STAU2: variants seen among roughly 807,000 people sequenced by gnomAD.
STAU2 encodes double-stranded RNA-binding protein Staufen homolog 2.
In STAU2, 20 loss-of-function variants were observed where a neutral mutation model predicts 65.9. The observed-to-expected ratio is 0.30, with a 90% CI of 0.21 to 0.44. The LOEUF (loss-of-function observed/expected upper bound fraction) is 0.44. Ranked by LOEUF, STAU2 falls within the 20% of genes least tolerant of loss-of-function variation. STAU2 has a pLI of 1.00. For synonymous variants in STAU2, 232 were observed against 233.9 expected (o/e 0.99, Z 0.07); for missense variants, 558 against 683.9 (o/e 0.82, Z 2.05).
chr8:73,598,964 T>A (rs1309524906), intron 10 of STAU2, among the ~76,000 whole-genome samples: 3 of 152,302 alleles, frequency 2.0e-5, no homozygotes, highest in Non-Finnish European at 4.4e-5. Flanking sequence ...AAAGTCTTAT[T>A]GAGAAACTTT....
intron 10 of STAU2, among the ~76,000 whole-genome samples, chr8:73,596,667 A>G (rs1160557584): frequency 6.6e-6 from 1 of 151,918 alleles, no homozygotes. Flanking sequence ...TGGGCAATAT[A>G]GTGAGACCCC....
At chr8:73,607,289 G>A (rs1301911567) in intron 9 of STAU2, among the ~76,000 whole-genome samples, 35 of 152,140 alleles carry the variant, frequency 2.3e-4, no homozygotes, top group Non-Finnish European at 2.9e-5. Flanking sequence ...GGACGTGATG[G>A]AAGAAGAGCA....
At chr8:73,718,798 T>C (rs1053571883) in intron 3 of STAU2, among the ~76,000 whole-genome samples, 1 of 152,226 alleles carries the variant, frequency 6.6e-6, no homozygotes, top group African/African-American at 2.4e-5. Context: ...TTTTGATGCT[T>C]TTGAAAATGC....
intron 13 of STAU2, chr8:73,527,291 G>A (rs138945513): frequency 8.1e-5 from 13 of 160,022 alleles, no homozygotes; most frequent in Admixed American, 3.6e-4. Context: ...ATTAAGTGAC[G>A]CATCACTGTA....
chr8:73,596,988 A>G (rs1180517730), intron 10 of STAU2, among the ~76,000 whole-genome samples: 1 of 152,190 alleles, frequency 6.6e-6, no homozygotes, highest in African/African-American at 2.4e-5. Context: ...TGAAGGACAC[A>G]GCAAAAGGAG....
intron 3 of STAU2, among the ~76,000 whole-genome samples, chr8:73,734,800 T>C (rs58064868): frequency 6.6e-6 from 1 of 150,530 alleles, no homozygotes; most frequent in Non-Finnish European, 1.5e-5. Context: ...TCTCAAAAAA[T>C]AAAAAATAAA....
intron 13 of STAU2, among the ~76,000 whole-genome samples, chr8:73,516,371 AT>A (rs2128926365): frequency 6.6e-6 from 1 of 152,122 alleles, no homozygotes; most frequent in African/African-American, 2.4e-5. Context: ...TTAAAATTTA[AT>A]TTTCACATAT....
At chr8:73,606,219 T>C (rs1161526553) in intron 9 of STAU2, among the ~76,000 whole-genome samples, 2 of 151,390 alleles carry the variant, frequency 1.3e-5, no homozygotes, top group African/African-American at 2.4e-5. Flanking sequence ...AATAATAAAA[T>C]GAAACAATAT....
At chr8:73,676,978 T>C (rs985493532) in intron 5 of STAU2, among the ~76,000 whole-genome samples, 2 of 152,204 alleles carry the variant, frequency 1.3e-5, no homozygotes, top group Non-Finnish European at 2.9e-5. Flanking sequence ...TGATAAATTA[T>C]ATGAATCCAG....
chr8:73,595,035 G>T, intron 11 of STAU2, 131 bp downstream of exon 11: 2 of 627,828 alleles, frequency 3.2e-6, no homozygotes, highest in Non-Finnish European at 5.2e-6. Context: ...TTTGTGCTTG[G>T]ATCATCTATC....
At chr8:73,694,231 CAATT>C (rs1176927632) in intron 4 of STAU2, among the ~76,000 whole-genome samples, 5 of 152,016 alleles carry the variant, frequency 3.3e-5, no homozygotes, top group African/African-American at 1.2e-4. Flanking sequence ...ATAAAATTGA[CAATT>C]AAAGTCAGAT....
In STAU2 at chr8:73,481,518, A is replaced by AAC. The variant is rs535429370; in HGVS notation, c.1531-58817_1531-58816insGT. ...AATAAGCCAAAAAAACAAAAAAACAAAAAAAAAAAACACTTTTTTTGAGTG... is the reference window on the plus strand; with the variant it reads ...AATAAGCCAAAAAAACAAAAAAACAAACAAAAAAAAAACACTTTTTTTGAGTG... On this transcript the variant is annotated intron_variant, in intron 13 of 14. Transcript: ENST00000524300. 1.2e-3 allele frequency among the ~76,000 whole-genome samples: 139 copies of AAC among 118,412 alleles called. 6 individuals carry two copies. Among genetic ancestry groups the AAC allele is most frequent in the East Asian group, 3.1e-3 (6 of 1,932 alleles). The allele number at this position is 118,412 out of a possible 152,430, so 77.7% of individuals were successfully genotyped here.
rs528709736 is a variant in STAU2, at chr8:73,442,544, C to T, written c.1531-19842G>A. Among the ~76,000 whole-genome samples, 4 of 152,202 alleles carry T rather than the reference C, an allele frequency of 2.6e-5. No homozygotes were observed. The East Asian group carries it at 7.7e-4, about 29-fold the overall frequency. Reference sequence around the variant, plus strand: ...TGGTCTCCCTTACCTACCTCCACCCCTAAATGAGAAGAAATTTAGTATACT... The same window carrying T: ...TGGTCTCCCTTACCTACCTCCACCCTTAAATGAGAAGAAATTTAGTATACT... On this transcript the variant is annotated intron_variant, in intron 13 of 14. Coordinates refer to ENST00000524300, the MANE Select transcript of STAU2 (RefSeq NM_001164380.2).
Position 73,728,018 on chromosome 8 carries a change from C to A in STAU2, c.-18+10266G>T, listed in dbSNP as rs1052275337. ...ATCTTCTCAGAGTAACTGTCTATTC[C>A]AAGTCCTTTGCCCATTTTTTAGTTG... On this transcript the variant is annotated intron_variant, in intron 3 of 14. Transcript: ENST00000524300. The A allele has an allele frequency of 2.0e-5, 3 of 152,098 alleles. No homozygotes were observed. In the South Asian group the frequency reaches 6.2e-4, roughly 32 times the overall value. 9.4% of individuals were successfully genotyped at this position (152,098 alleles called of 1,614,324 possible).
At chr8:73,705,249 T>C (rs1461636607) in intron 4 of STAU2, among the ~76,000 whole-genome samples, 2 of 152,198 alleles carry the variant, frequency 1.3e-5, no homozygotes, top group African/African-American at 2.4e-5. Context: ...ACTGAGACTT[T>C]AAATTAGTTG....
At chr8:73,485,360 T>C (rs1820861533) in intron 13 of STAU2, among the ~76,000 whole-genome samples, 1 of 151,940 alleles carries the variant, frequency 6.6e-6, no homozygotes, top group Admixed American at 6.6e-5. Flanking sequence ...GAGCATTGAT[T>C]CTTTCCAAGA....
intron 7 of STAU2, among the ~76,000 whole-genome samples, chr8:73,616,451 C>G (rs935997849): frequency 6.6e-6 from 1 of 151,938 alleles, no homozygotes; most frequent in Non-Finnish European, 1.5e-5. Context: ...GAGAAAGAAA[C>G]AATTGGTTTG....
At chr8:73,598,229 T>A (rs1232080263) in intron 10 of STAU2, among the ~76,000 whole-genome samples, 1 of 140,892 alleles carries the variant, frequency 7.1e-6, no homozygotes. Flanking sequence ...AAGAAAACTT[T>A]TTTTTTTTTT....
chr8:73,536,622 CA>C (rs1482595073), intron 13 of STAU2, among the ~76,000 whole-genome samples: 1 of 152,126 alleles, frequency 6.6e-6, no homozygotes, highest in Non-Finnish European at 1.5e-5. Context: ...GATCCCTGGA[CA>C]GTCACCTATA....
Sources: gnomAD v4.1 joint callset for allele counts (sites outside exome capture counted in the v4.1 genomes callset) on GRCh38, gnomAD v4.1.1 for gene constraint, MANE v1.5 for transcripts, NCBI Gene and HGNC (gene_info 2026-07-23, HGNC 2026-07-21) for gene names.